The following SMC4 variants were observed in gnomAD, a reference collection of about 807,000 sequenced individuals.
The protein encoded by SMC4 is structural maintenance of chromosomes 4.
SMC4 carries 87 observed loss-of-function variants against 145.6 expected under a neutral mutation model. The observed-to-expected ratio is 0.60, with a 90% CI of 0.50 to 0.71. The LOEUF is 0.71. Ranked by LOEUF, SMC4 falls within the 30% of genes least tolerant of loss-of-function variation. SMC4 has a pLI of 0.00. For synonymous variants in SMC4, 558 were observed against 500.7 expected (o/e 1.11, Z -1.53); for missense variants, 1,447 against 1,537.1 (o/e 0.94, Z 0.98).
intron 13 of SMC4, among the ~76,000 whole-genome samples, 193 bp from the exon 14 acceptor site, chr3:160,423,232 G>A (rs1330026533): frequency 6.6e-6 from 1 of 152,044 alleles, no homozygotes; most frequent in Non-Finnish European, 1.5e-5. Context: ...GATAGTATAG[G>A]CATCTTAACG....
At chr3:160,433,615 C>A in intron 23 of SMC4, 42 bp from the exon 24 acceptor site, 1 of 1,233,870 alleles carries the variant, frequency 8.1e-7, no homozygotes, top group Non-Finnish European at 1.1e-6. Context: ...TGTGATTTAC[C>A]TGTTATTACT....
intron 8 of SMC4, 125 bp from the exon 9 acceptor site, chr3:160,414,242 G>A (rs1292732998): frequency 2.5e-6 from 2 of 808,922 alleles, no homozygotes; most frequent in East Asian, 5.5e-5. Context: ...AATAAGGAGA[G>A]TTTTAGGATC....
At chr3:160,426,316 C>T in intron 17 of SMC4, 116 bp downstream of exon 17, 1 of 770,936 alleles carries the variant, frequency 1.3e-6, no homozygotes, top group Non-Finnish European at 2.2e-6. Flanking sequence ...AGTCATTGCA[C>T]TATTTTATGG....
intron 17 of SMC4, among the ~76,000 whole-genome samples, chr3:160,427,561 T>TTATA (rs1372454620): frequency 6.6e-6 from 1 of 152,204 alleles, no homozygotes. Context: ...AGAGTCTATA[T>TTATA]GTGTTTCATC....
intron 10 of SMC4, 35 bp downstream of exon 10, chr3:160,416,450 T>TG: frequency 7.6e-7 from 1 of 1,315,864 alleles, no homozygotes; most frequent in Non-Finnish European, 1.0e-6. Flanking sequence ...TTTATTTTGG[T>TG]GGCTTTTTTT....
At position 160,404,376 on chromosome 3, in the gene SMC4, A is replaced by T; in HGVS notation, c.559A>T (p.Arg187Ter). Residue 187 changes from arginine (R) to a stop codon, truncating the protein, a stop_gained, in exon 5 of 24, where the codon AGA becomes TGA. Coordinates refer to ENST00000357388, the MANE Select transcript of SMC4 (RefSeq NM_001002800.3). LOFTEE classifies it high-confidence loss of function. ...VIPNSNFYVS[R>*]TACRDNTSVY... ...TCCTAACAGTAATTTCTATGTATCC[A>T]GAACGGCCTGCAGAGATAATACTTC... is the stretch of plus-strand genomic sequence containing the variant. 1 of 1,609,614 alleles carries T rather than the reference A, an allele frequency of 6.2e-7. No individual in the cohort carries two copies. Among genetic ancestry groups the T allele is most frequent in the Non-Finnish European group, 8.5e-7 (1 of 1,178,718 alleles).
chr3:160,423,808 T>C lies in SMC4; in HGVS notation c.2293T>C (p.Ser765Pro). The C allele has an allele frequency of 6.2e-7, 1 of 1,613,490 alleles. No individual in the cohort carries two copies. Among genetic ancestry groups the C allele is most frequent in the Non-Finnish European group, 8.5e-7 (1 of 1,179,778 alleles). ...GSKVMKGRMGSSLVIEISEEE... is the reference protein window; with the variant it reads ...GSKVMKGRMGPSLVIEISEEE... ...CAAAGTAATGAAAGGAAGAATGGGTTCCTCACTTGTTATTGAAATCTCTGA... is the reference window on the plus strand; with the variant it reads ...CAAAGTAATGAAAGGAAGAATGGGTCCCTCACTTGTTATTGAAATCTCTGA... The change falls in exon 15 of 24, where the codon TCC (serine) becomes CCC (proline). Residue 765 changes from serine to proline, a missense_variant. Coordinates refer to ENST00000357388, the MANE Select transcript of SMC4 (RefSeq NM_001002800.3).
intron 5 of SMC4, among the ~76,000 whole-genome samples, chr3:160,405,194 C>T (rs1715190318): frequency 1.3e-5 from 2 of 151,834 alleles, no homozygotes; most frequent in African/African-American, 4.8e-5. Context: ...AATTAAGTAC[C>T]TGTGCCAAAC....
In SMC4 at chr3:160,418,926, C is replaced by T. The variant is rs1050867904; in HGVS notation, c.1672-432C>T. 7.9e-5 allele frequency among the ~76,000 whole-genome samples: 12 copies of T among 152,118 alleles called. No homozygotes were observed. In the South Asian group the frequency reaches 2.3e-3, roughly 29 times the overall value. Reference sequence around the variant, plus strand: ...TCAGAGGTGTGCTTTTTCTCCAGTACCCCCCAGCCCCGTTCAGCTAAAATA... The same window carrying T: ...TCAGAGGTGTGCTTTTTCTCCAGTATCCCCCAGCCCCGTTCAGCTAAAATA... On this transcript the variant is annotated intron_variant, in intron 11 of 23. Transcript: ENST00000357388.
chr3:160,422,299 G>C (rs1717267493), intron 13 of SMC4, among the ~76,000 whole-genome samples: 2 of 152,192 alleles, frequency 1.3e-5, no homozygotes, highest in Admixed American at 1.3e-4. Flanking sequence ...CACAGTGGCT[G>C]TACCATTTCC....
rs1294776247 is a variant in SMC4, at chr3:160,413,522, A to T, written c.1030A>T (p.Ile344Phe). 6.3e-7 allele frequency: 1 copy of T among 1,591,878 alleles called. No homozygotes were observed. Among genetic ancestry groups the T allele is most frequent in the African/African-American group, 1.4e-5 (1 of 73,088 alleles). ...TGAAATGGAAACTCAAAAGGAAAAA[A>T]TTCATGAAGATACCAAAGAAATTAA... The part of the protein sequence containing the change: ...IAEMETQKEK[I>F]HEDTKEINEK... The change falls in exon 8 of 24, where the codon ATT becomes TTT. Residue 344 changes from isoleucine to phenylalanine, a missense_variant. Transcript: ENST00000357388.
chr3:160,406,351 A>G (rs1715325766), intron 5 of SMC4, among the ~76,000 whole-genome samples: 1 of 152,176 alleles, frequency 6.6e-6, no homozygotes, highest in Non-Finnish European at 1.5e-5. Flanking sequence ...GGTAGAACTA[A>G]TAGTGCCCAA....
At position 160,420,782 on chromosome 3, in the gene SMC4, T is replaced by G. The variant is rs768407541; in HGVS notation, c.1900T>G (p.Ser634Ala). Residue 634 changes from serine (S) to alanine (A), a missense_variant, in exon 13 of 24, where the codon TCA becomes GCA. Coordinates refer to ENST00000357388, the MANE Select transcript of SMC4 (RefSeq NM_001002800.3). ...TGATGAAAAATACGACGTGGCTATA[T>G]CATCCTGTTGTCATGCACTGGACTA... ...AIDEKYDVAISSCCHALDYIV... is the reference protein window; with the variant it reads ...AIDEKYDVAIASCCHALDYIV... 4 of 1,613,874 alleles carry G rather than the reference T, an allele frequency of 2.5e-6. No homozygotes were observed. In the East Asian group the frequency reaches 8.9e-5, roughly 36 times the overall value.
rs764605262 is a variant in SMC4 at position 160,431,817 on chromosome 3, A to G, written c.3289A>G (p.Lys1097Glu). 1.9e-6 allele frequency: 3 copies of G among 1,611,818 alleles called. No individual in the cohort carries two copies. The East Asian group carries it at 6.7e-5, about 36-fold the overall frequency. Residue 1097 changes from lysine to glutamate, a missense_variant, in exon 21 of 24, where the codon AAA becomes GAA. Lys to Glu is a moderately conservative substitution (Grantham distance 56). Transcript: ENST00000357388. ...AAACCTCGGTGCCATCGCAGAGTATAAAAAGAAGGTATGAATGAACTGTGT... is the reference window on the plus strand; with the variant it reads ...AAACCTCGGTGCCATCGCAGAGTATGAAAAGAAGGTATGAATGAACTGTGT... ...KPNLGAIAEY[K>E]KKEELYLQRV... is the part of the protein sequence containing the mutation.
intron 5 of SMC4, among the ~76,000 whole-genome samples, chr3:160,408,015 A>G (rs1000715202): frequency 2.0e-5 from 3 of 152,232 alleles, no homozygotes; most frequent in African/African-American, 7.2e-5. Context: ...ACACTAATTT[A>G]TAGTATAGTA....
intron 21 of SMC4, 135 bp downstream of exon 21, chr3:160,431,960 G>A (rs1718452463): frequency 1.1e-6 from 1 of 916,308 alleles, no homozygotes; most frequent in Non-Finnish European, 1.6e-6. Flanking sequence ...CCAGCACTTT[G>A]GGAGGCCAAA....
chr3:160,426,232 A>T (rs200496424), intron 17 of SMC4, 32 bp downstream of exon 17: 59 of 1,385,012 alleles, frequency 4.3e-5, no homozygotes, highest in Non-Finnish European at 5.5e-5. Context: ...TTTTGGGGGG[A>T]AAAAAAAAAC....
chr3:160,429,909 G>T lies in SMC4; in HGVS notation c.2796-690G>T, dbSNP rs62272244. Among the ~76,000 whole-genome samples the T allele has an allele frequency of 7.1e-3, 1,070 of 151,552 alleles. 18 individuals are homozygous for T. The highest frequency in any genetic ancestry group is 7.3e-3 in the Non-Finnish European group (496 of 67,898). On this transcript the variant is annotated intron_variant, in intron 18 of 23. Transcript: ENST00000357388. Reference sequence around the variant, plus strand: ...TTTTTGTATTTTTAGTAGAGACAGGGTTTCACCATGTTGGTCAGGCTGGTC... The same window carrying T: ...TTTTTGTATTTTTAGTAGAGACAGGTTTTCACCATGTTGGTCAGGCTGGTC...
In SMC4 at chr3:160,412,756, C is replaced by T. The variant is rs140561219; in HGVS notation, c.980+303C>T. The T allele has an allele frequency of 2.5e-4, 204 of 825,022 alleles. No individual in the cohort carries two copies. The East Asian group carries it at 0.015, about 60-fold the overall frequency. The allele number at this position is 825,022 out of a possible 1,614,324, so 51.1% of individuals were successfully genotyped here. A position where few individuals can be genotyped will look rare whatever the true frequency, so the allele number is the denominator to read the frequency against. ...TGTGAGGACTATCTGGCTGTGACAC[C>T]TGTCATCCCGTTGATCACCAGGGTT... On this transcript the variant is annotated intron_variant, in intron 7 of 23. Transcript: ENST00000357388.
Sources: gnomAD v4.1 joint callset for allele counts (sites outside exome capture counted in the v4.1 genomes callset) on GRCh38, gnomAD v4.1.1 for gene constraint, MANE v1.5 for transcripts, NCBI Gene and HGNC (gene_info 2026-07-23, HGNC 2026-07-21) for gene names.